The following CYSTM1 variants were observed in gnomAD, a reference collection of about 807,000 sequenced individuals.
CYSTM1 encodes the protein cysteine-rich transmembrane module-containing protein 1.
CYSTM1 carries 4 observed loss-of-function variants against 13.1 expected under a neutral mutation model. The observed-to-expected ratio is 0.31, with a 90% CI of 0.15 to 0.70. CYSTM1 has a LOEUF of 0.70. Among genes scored for constraint, CYSTM1 ranks in the 30% least tolerant of loss-of-function variants. The pLI, the probability that CYSTM1 is intolerant of heterozygous loss-of-function variation, is 0.72. For synonymous variants in CYSTM1, 36 were observed against 42.7 expected (o/e 0.84, Z 0.62); for missense variants, 96 against 121.6 (o/e 0.79, Z 0.99).
intron 2 of CYSTM1, among the ~76,000 whole-genome samples, chr5:140,218,259 A>AT (rs1281622132): frequency 6.6e-6 from 1 of 151,836 alleles, no homozygotes; most frequent in Non-Finnish European, 1.5e-5. Context: ...TCTCTTGTTC[A>AT]TTTTTCAAAA....
chr5:140,177,316 G>A (rs1008511804), intron 1 of CYSTM1, among the ~76,000 whole-genome samples: 1 of 152,082 alleles, frequency 6.6e-6, no homozygotes, highest in Non-Finnish European at 1.5e-5. Flanking sequence ...TTTTGAGGCG[G>A]AGTCTTGCTC....
chr5:140,184,138 G>C (rs1217765008), intron 1 of CYSTM1, among the ~76,000 whole-genome samples: 1 of 152,194 alleles, frequency 6.6e-6, no homozygotes, highest in African/African-American at 2.4e-5. Flanking sequence ...GTGTAACTGT[G>C]TGATCTATTC....
At chr5:140,181,789 A>C (rs1763964967) in intron 1 of CYSTM1, among the ~76,000 whole-genome samples, 2 of 152,236 alleles carry the variant, frequency 1.3e-5, no homozygotes, top group South Asian at 4.1e-4. Flanking sequence ...GCAAGATAGC[A>C]GGACCCCCGT....
chr5:140,217,244 T>C (rs1331167766), intron 2 of CYSTM1, among the ~76,000 whole-genome samples: 1 of 152,254 alleles, frequency 6.6e-6, no homozygotes, highest in East Asian at 1.9e-4. Context: ...TGGGTAAAAG[T>C]GACTTTTTGC....
intron 2 of CYSTM1, among the ~76,000 whole-genome samples, chr5:140,242,957 A>G (rs1198841615): frequency 6.6e-6 from 1 of 152,188 alleles, no homozygotes. Flanking sequence ...GTATCCCAAG[A>G]AATGACCCCC....
chr5:140,185,954 G>A (rs920391169), intron 1 of CYSTM1, among the ~76,000 whole-genome samples: 3 of 152,154 alleles, frequency 2.0e-5, no homozygotes, highest in African/African-American at 4.8e-5. Context: ...AACACTTTGA[G>A]GTAACTGCCT....
chr5:140,188,705 G>A (rs997641406), intron 1 of CYSTM1, among the ~76,000 whole-genome samples: 1 of 147,806 alleles, frequency 6.8e-6, no homozygotes, highest in African/African-American at 2.5e-5. Flanking sequence ...CGTGAACCCG[G>A]AAGGCGGAGC....
At chr5:140,209,515 C>T (rs1434716496) in intron 2 of CYSTM1, among the ~76,000 whole-genome samples, 13 of 152,044 alleles carry the variant, frequency 8.6e-5, no homozygotes, top group Non-Finnish European at 1.3e-4. Context: ...CTGCAACCTC[C>T]GCCTCCCGGG....
At chr5:140,193,416 G>A (rs995790319) in intron 1 of CYSTM1, among the ~76,000 whole-genome samples, 3 of 152,054 alleles carry the variant, frequency 2.0e-5, no homozygotes, top group African/African-American at 4.8e-5. Flanking sequence ...CCTGAGTAGC[G>A]GGACTACAAG....
At chr5:140,180,641 T>G (rs1763951438) in intron 1 of CYSTM1, among the ~76,000 whole-genome samples, 1 of 152,122 alleles carries the variant, frequency 6.6e-6, no homozygotes, top group African/African-American at 2.4e-5. Context: ...TTAGGAGATG[T>G]ATGTGGAATA....
At chr5:140,234,659 A>G (rs1042817267) in intron 2 of CYSTM1, among the ~76,000 whole-genome samples, 9 of 152,180 alleles carry the variant, frequency 5.9e-5, no homozygotes, top group Non-Finnish European at 1.3e-4. Flanking sequence ...TAAATGAGGT[A>G]TACTATTCAT....
chr5:140,239,035 G>A lies in CYSTM1; in HGVS notation c.188-4270G>A, dbSNP rs945917975. Among the ~76,000 whole-genome samples the A allele has an allele frequency of 6.6e-6, 1 of 152,200 alleles. No individual in the cohort carries two copies. Among genetic ancestry groups the A allele is most frequent in the Non-Finnish European group, 1.5e-5 (1 of 68,034 alleles). On this transcript the variant is annotated intron_variant, in intron 2 of 2. Coordinates refer to ENST00000261811, the MANE Select transcript of CYSTM1 (RefSeq NM_032412.4). The surrounding 1 kb of genome is among the most constrained non-coding windows in gnomAD (Gnocchi z 5.4). Reference sequence around the variant, plus strand: ...TCACTCCTGGAGCAAGAAGGCTGCAGGCATCAGAACCCTCTGGGAGGCTCT... The same window carrying A: ...TCACTCCTGGAGCAAGAAGGCTGCAAGCATCAGAACCCTCTGGGAGGCTCT...
chr5:140,209,269 C>CT lies in CYSTM1; in HGVS notation c.187+14632dup, dbSNP rs70988736. Among the ~76,000 whole-genome samples the CT allele has an allele frequency of 2.7e-3, 365 of 137,336 alleles. 1 individual carries two copies. The highest frequency in any genetic ancestry group is 3.6e-3 in the African/African-American group (135 of 37,388). The allele number at this position is 137,336 out of a possible 152,430, so 90.1% of individuals were successfully genotyped here. ...AGACTGCTCGTACTTTCTTTCTTTTCTTTTTTTTTTTTTTTGAGATGGAGT... is the reference window on the plus strand; with the variant it reads ...AGACTGCTCGTACTTTCTTTCTTTTCTTTTTTTTTTTTTTTTGAGATGGAGT... On this transcript the variant is annotated intron_variant, in intron 2 of 2. Transcript: ENST00000261811.
At chr5:140,229,459 G>A (rs777457402) in intron 2 of CYSTM1, among the ~76,000 whole-genome samples, 13 of 152,104 alleles carry the variant, frequency 8.5e-5, no homozygotes, top group African/African-American at 3.1e-4. Context: ...CCAAAGTGCT[G>A]GGATTGCAGG....
intron 2 of CYSTM1, among the ~76,000 whole-genome samples, chr5:140,231,488 C>A (rs1411481186): frequency 6.6e-6 from 1 of 152,170 alleles, no homozygotes; most frequent in Non-Finnish European, 1.5e-5. Flanking sequence ...AACAAACCCC[C>A]AATCCCTGCT....
chr5:140,235,359 G>A (rs186823053), intron 2 of CYSTM1, among the ~76,000 whole-genome samples: 4 of 150,976 alleles, frequency 2.6e-5, no homozygotes, highest in Admixed American at 1.3e-4. Flanking sequence ...TCCTCCTACT[G>A]TAGTAATGTC....
At position 140,179,108 on chromosome 5, in the gene CYSTM1, A is replaced by C. The variant is rs376030216; in HGVS notation, c.-21+3823A>C. ...ACCCCATAGCTACAAAAAATTTTTA[A>C]AAATTAGCTGGGCATGTGGTATGTG... On this transcript the variant is annotated intron_variant, in intron 1 of 2. Transcript: ENST00000261811. Among the ~76,000 whole-genome samples, 55 of 151,876 alleles carry C rather than the reference A, an allele frequency of 3.6e-4. No individual in the cohort carries two copies. In the East Asian group the frequency reaches 0.011, roughly 30 times the overall value.
chr5:140,239,795 C>T lies in CYSTM1; in HGVS notation c.188-3510C>T, dbSNP rs1764725161. Among the ~76,000 whole-genome samples, 1 of 152,172 alleles carries T rather than the reference C, an allele frequency of 6.6e-6. No homozygotes were observed. Among genetic ancestry groups the T allele is most frequent in the African/African-American group, 2.4e-5 (1 of 41,444 alleles). ...GGGCTGAGAATACTGAGGGTTGATT[C>T]AAAGGGCTGACTGCGGGCAAGAGAG... On this transcript the variant is annotated intron_variant, in intron 2 of 2. Coordinates refer to ENST00000261811, the MANE Select transcript of CYSTM1 (RefSeq NM_032412.4). This position sits in a 1 kb window ranked among gnomAD's most constrained non-coding sequence, Gnocchi z 5.4.
At chr5:140,200,590 T>C (rs1764214883) in intron 2 of CYSTM1, 2 of 112,350 alleles carry the variant, frequency 1.8e-5, no homozygotes, top group South Asian at 6.5e-4. Context: ...AGGCAGAGTC[T>C]CACTCTGTCG....
Sources: gnomAD v4.1 joint callset for allele counts (sites outside exome capture counted in the v4.1 genomes callset) on GRCh38, gnomAD v4.1.1 for gene constraint, Gnocchi (gnomAD v3.1) non-coding constraint, MANE v1.5 for transcripts, NCBI Gene and HGNC (gene_info 2026-07-23, HGNC 2026-07-21) for gene names.